ASTN2: variants seen among roughly 807,000 people sequenced by gnomAD.
ASTN2 encodes the protein astrotactin-2.
In ASTN2, 54 loss-of-function variants were observed where a neutral mutation model predicts 139.8. The observed-to-expected ratio is 0.39, with a 90% CI of 0.31 to 0.48. The LOEUF is 0.48. Ranked by LOEUF, ASTN2 falls within the 20% of genes least tolerant of loss-of-function variation. ASTN2 has a pLI of 0.95. For missense variants in ASTN2, 1,565 were observed against 1,725.1 expected (o/e 0.91, Z 1.64); for synonymous variants, 756 against 719.5 (o/e 1.05, Z -0.81).
chr9:117,078,830 G>A (rs1724761441), intron 5 of ASTN2, among the ~76,000 whole-genome samples: 1 of 152,162 alleles, frequency 6.6e-6, no homozygotes. Context: ...CCACCTCCCA[G>A]GTTCAAGTGA....
intron 1 of ASTN2, among the ~76,000 whole-genome samples, chr9:117,306,230 CA>C (rs1403485309): frequency 6.6e-6 from 1 of 152,156 alleles, no homozygotes; most frequent in Non-Finnish European, 1.5e-5. Flanking sequence ...GTCAACTCAG[CA>C]AATGTTTCCA....
At chr9:117,144,336 G>T (rs1450589738) in intron 3 of ASTN2, among the ~76,000 whole-genome samples, 1 of 152,130 alleles carries the variant, frequency 6.6e-6, no homozygotes, top group East Asian at 1.9e-4. Flanking sequence ...TCTGAAATCC[G>T]AAATGTTCCA....
At chr9:116,632,216 A>AGAAAGAAAGAAAGAAAGAAAGAAG (rs1856820613) in intron 17 of ASTN2, among the ~76,000 whole-genome samples, 1 of 128,142 alleles carries the variant, frequency 7.8e-6, no homozygotes, top group Non-Finnish European at 1.6e-5. Flanking sequence ...AAAGAAAGAA[A>AGAAAGAAAGAAAGAAAGAAAGAAG]GAAAGAAAGA....
chr9:117,025,972 T>C (rs1929005), intron 6 of ASTN2, among the ~76,000 whole-genome samples: 50,231 of 151,622 alleles, frequency 0.33, 9,090 homozygotes, highest in African/African-American at 0.48. Context: ...ACTGTGTTGG[T>C]CAGGCTGGTC....
At chr9:117,149,202 T>C (rs1025225356) in intron 3 of ASTN2, among the ~76,000 whole-genome samples, 31 of 151,942 alleles carry the variant, frequency 2.0e-4, no homozygotes, top group African/African-American at 7.5e-4. Flanking sequence ...GTATTTTTAG[T>C]AGAGACAGGG....
At chr9:116,656,141 C>A (rs751581489) in intron 16 of ASTN2, among the ~76,000 whole-genome samples, 1 of 152,122 alleles carries the variant, frequency 6.6e-6, no homozygotes, top group Non-Finnish European at 1.5e-5. Flanking sequence ...TTGCTGATCC[C>A]ATATCCATCT....
At chr9:117,187,460 A>T (rs1831230673) in intron 3 of ASTN2, among the ~76,000 whole-genome samples, 1 of 152,210 alleles carries the variant, frequency 6.6e-6, no homozygotes, top group African/African-American at 2.4e-5. Flanking sequence ...CCAATGTAAT[A>T]GTATTGAGAG....
intron 1 of ASTN2, among the ~76,000 whole-genome samples, chr9:117,351,757 CT>C (rs34742319): frequency 0.48 from 73,016 of 151,884 alleles, 18,943 homozygotes; most frequent in East Asian, 0.94. Flanking sequence ...TTTTCTGCCC[CT>C]TTTCTTCATG....
intron 3 of ASTN2, among the ~76,000 whole-genome samples, chr9:117,212,945 T>G (rs1419053994): frequency 1.3e-5 from 2 of 152,118 alleles, no homozygotes; most frequent in Non-Finnish European, 2.9e-5. Context: ...TTTATCCAAA[T>G]TAAAGGAAAT....
chr9:117,142,451 A>G (rs544844521), intron 3 of ASTN2, among the ~76,000 whole-genome samples: 6 of 152,286 alleles, frequency 3.9e-5, no homozygotes, highest in African/African-American at 1.4e-4. Flanking sequence ...ACTTAGCAAC[A>G]TATACCCATT....
intron 16 of ASTN2, among the ~76,000 whole-genome samples, chr9:116,704,664 A>G (rs905675731): frequency 1.3e-5 from 2 of 152,198 alleles, no homozygotes; most frequent in African/African-American, 4.8e-5. Context: ...TGGTGATGCA[A>G]TAGCATGTTC....
intron 13 of ASTN2, among the ~76,000 whole-genome samples, chr9:116,755,023 C>T (rs1350692067): frequency 6.6e-6 from 1 of 152,108 alleles, no homozygotes; most frequent in Non-Finnish European, 1.5e-5. Flanking sequence ...TCAAACCCAC[C>T]CTGCTTCTGA....
chr9:117,365,620 G>A (rs552572743), intron 1 of ASTN2, among the ~76,000 whole-genome samples: 17 of 152,262 alleles, frequency 1.1e-4, no homozygotes, highest in Non-Finnish European at 2.1e-4. Context: ...TCACAGTTAT[G>A]TGAGCCATCC....
rs118052673 is a variant in ASTN2, at chr9:116,792,588, T to A, written c.2396+13044A>T. ...TGTGCCCATCAGATAGCAGAGCGGA[T>A]GAACACAAAATAACCTTTGCTACAT... is the stretch of plus-strand genomic sequence containing the variant. On this transcript the variant is annotated intron_variant, in intron 13 of 22. Coordinates refer to ENST00000313400, the MANE Select transcript of ASTN2 (RefSeq NM_001365068.1). 1.6e-3 allele frequency among the ~76,000 whole-genome samples: 243 copies of A among 152,302 alleles called. 2 individuals carry two copies. Among genetic ancestry groups the A allele is most frequent in the East Asian group, 0.013 (69 of 5,182 alleles).
intron 17 of ASTN2, among the ~76,000 whole-genome samples, chr9:116,631,931 T>C (rs112965656): frequency 1.3e-5 from 2 of 151,496 alleles, no homozygotes; most frequent in Admixed American, 1.3e-4. Flanking sequence ...CTGGCCAACA[T>C]AGTGAAACCC....
chr9:117,297,980 C>T (rs1225756855), intron 1 of ASTN2, among the ~76,000 whole-genome samples: 1 of 152,198 alleles, frequency 6.6e-6, no homozygotes, highest in Admixed American at 6.5e-5. Flanking sequence ...AAGGGGATCT[C>T]AAGAAGTAAA....
In ASTN2 at chr9:116,957,197, G is replaced by A. The variant is rs138607399; in HGVS notation, c.1889+18011C>T. 4.4e-3 allele frequency among the ~76,000 whole-genome samples: 662 copies of A among 151,888 alleles called. 11 individuals carry two copies. In the South Asian group the frequency reaches 0.066, roughly 15 times the overall value. ...ATTTTTTCCCTGCTACTTTTTCTCAGTCTCTCTTTCTCTCTACGAATACAT... is the reference window on the plus strand; with the variant it reads ...ATTTTTTCCCTGCTACTTTTTCTCAATCTCTCTTTCTCTCTACGAATACAT... On this transcript the variant is annotated intron_variant, in intron 10 of 22. Coordinates refer to ENST00000313400, the MANE Select transcript of ASTN2 (RefSeq NM_001365068.1).
chr9:116,918,910 G>A (rs969250054), intron 10 of ASTN2, among the ~76,000 whole-genome samples: 3 of 151,978 alleles, frequency 2.0e-5, no homozygotes, highest in Non-Finnish European at 4.4e-5. Flanking sequence ...TATTTGAGAT[G>A]TTTATTTTCT....
At chr9:117,035,288 T>G (rs990554791) in intron 6 of ASTN2, among the ~76,000 whole-genome samples, 1 of 152,108 alleles carries the variant, frequency 6.6e-6, no homozygotes, top group Non-Finnish European at 1.5e-5. Context: ...ACTTTGCCAG[T>G]TTTAAGGGGC....
Sources: gnomAD v4.1 joint callset for allele counts (sites outside exome capture counted in the v4.1 genomes callset) on GRCh38, gnomAD v4.1.1 for gene constraint, MANE v1.5 for transcripts, NCBI Gene and HGNC (gene_info 2026-07-23, HGNC 2026-07-21) for gene names.